The following SNAP91 variants were observed in gnomAD, a reference collection of about 807,000 sequenced individuals.
SNAP91 encodes the protein clathrin coat assembly protein AP180.
A neutral mutation model predicts 100.3 loss-of-function variants in SNAP91; 27 were observed. That is an observed-to-expected ratio of 0.27 (90% CI 0.20 to 0.37). The LOEUF is 0.37. Ranked by LOEUF, SNAP91 falls within the 10% of genes least tolerant of loss-of-function variation. The probability of loss-of-function intolerance (pLI) is 1.00; values close to 1 mark genes in which losing one functional copy is unlikely to be tolerated. For synonymous variants in SNAP91, 404 were observed against 398.6 expected (o/e 1.01, Z -0.16); for missense variants, 986 against 1,123.7 (o/e 0.88, Z 1.75).
At chr6:83,593,838 T>G in intron 17 of SNAP91, 97 bp from the exon 18 acceptor site, 6 of 1,475,642 alleles carry the variant, frequency 4.1e-6, no homozygotes, top group Non-Finnish European at 4.5e-6. Flanking sequence ...ATACAGATAT[T>G]TACACACTAG....
At chr6:83,601,526 A>T (rs2128243826) in intron 15 of SNAP91, 59 bp downstream of exon 15, 1 of 1,610,854 alleles carries the variant, frequency 6.2e-7, no homozygotes, top group South Asian at 1.1e-5. Flanking sequence ...CAAAATAAGG[A>T]CAGTTGTTAC....
Position 83,647,034 on chromosome 6 carries a change from A to AT in SNAP91, c.659-5833dup, listed in dbSNP as rs557610943. 2.3e-4 allele frequency among the ~76,000 whole-genome samples: 34 copies of AT among 147,378 alleles called. 1 individual carries two copies. The East Asian group carries it at 6.5e-3, about 28-fold the overall frequency. On this transcript the variant is annotated intron_variant, in intron 7 of 29. Transcript: ENST00000369694. ...AGCCACTGACTTTTGTACATTAACC[A>AT]TTTTTTCTTGCAACCTTGCTATAAT... is the stretch of plus-strand genomic sequence containing the variant.
intron 26 of SNAP91, 51 bp downstream of exon 26, chr6:83,574,959 T>C (rs1224725302): frequency 3.2e-6 from 4 of 1,254,344 alleles, no homozygotes; most frequent in African/African-American, 3.0e-5. Context: ...CTTTACACAC[T>C]TGGAAACTGG....
intron 26 of SNAP91, among the ~76,000 whole-genome samples, chr6:83,564,447 C>T (rs1384268092): frequency 2.6e-5 from 4 of 151,512 alleles, no homozygotes; most frequent in Non-Finnish European, 4.4e-5. Context: ...AAGTGATTCT[C>T]TACTTCCCTG....
chr6:83,678,679 T>G (rs1354047875), intron 2 of SNAP91: 1 of 1,065,612 alleles, frequency 9.4e-7, no homozygotes, highest in Non-Finnish European at 1.3e-6. Flanking sequence ...CAGCACTGGA[T>G]CTAACCTTCT....
chr6:83,673,284 T>C (rs748271728), intron 2 of SNAP91, among the ~76,000 whole-genome samples: 1 of 152,166 alleles, frequency 6.6e-6, no homozygotes, highest in Non-Finnish European at 1.5e-5. Context: ...GAGATGATTA[T>C]GTCATGAGAG....
intron 28 of SNAP91, among the ~76,000 whole-genome samples, chr6:83,557,253 T>A (rs522863): frequency 0.84 from 127,078 of 152,040 alleles, 53,538 homozygotes; most frequent in East Asian, 0.95. Flanking sequence ...TGGGGCAGTG[T>A]TGTATATTTT....
intron 8 of SNAP91, among the ~76,000 whole-genome samples, chr6:83,626,198 A>G (rs1031234571): frequency 1.3e-4 from 19 of 151,956 alleles, no homozygotes; most frequent in African/African-American, 4.3e-4. Context: ...TGGGTTCTCT[A>G]TTCTGTTCCA....
rs941357290 is a variant in SNAP91 at position 83,562,847 on chromosome 6, C to T, written c.2443-1900G>A. Among the ~76,000 whole-genome samples, 95 of 152,218 alleles carry T rather than the reference C, an allele frequency of 6.2e-4. 1 individual carries two copies. Among genetic ancestry groups the T allele is most frequent in the Non-Finnish European group, 8.2e-4 (56 of 68,040 alleles). ...CCCTCACTCTCACTCTCTTTTGCTC[C>T]TACCCACTGGTTGAACACATGTGTC... On this transcript the variant is annotated intron_variant, in intron 26 of 29. Coordinates refer to ENST00000369694, the MANE Select transcript of SNAP91 (RefSeq NM_001242792.2).
At chr6:83,654,022 G>A (rs754098370) in intron 7 of SNAP91, among the ~76,000 whole-genome samples, 10 of 152,198 alleles carry the variant, frequency 6.6e-5, no homozygotes, top group Admixed American at 1.3e-4. Flanking sequence ...TCTCCTCCCC[G>A]TCCTGGAAGC....
At chr6:83,592,237 G>A (rs952827000) in intron 21 of SNAP91, among the ~76,000 whole-genome samples, 3 of 152,096 alleles carry the variant, frequency 2.0e-5, no homozygotes, top group African/African-American at 7.2e-5. Flanking sequence ...AAAATTATGT[G>A]TTTTGTTAGG....
At position 83,582,295 on chromosome 6, in the gene SNAP91, C is replaced by T; in HGVS notation, c.2076G>A (p.Leu692=). The change falls in exon 23 of 30, where the codon CTG becomes CTA. Residue 692 remains leucine, a synonymous_variant. Transcript: ENST00000369694. ...AAGCTGCCTCAAAATTGGGCTGTAG[C>T]AGGTTATTCTGAGCTGGAGTCACTG... ...PSPVTPAQNN[L]LQPNFEAAFG... is the part of the protein sequence containing the mutation. The T allele has an allele frequency of 6.2e-7, 1 of 1,613,524 alleles. No individual in the cohort carries two copies. Among genetic ancestry groups the T allele is most frequent in the Non-Finnish European group, 8.5e-7 (1 of 1,179,732 alleles).
chr6:83,592,541 G>T lies in SNAP91; in HGVS notation c.1847-3C>A, dbSNP rs560752250. On this transcript the variant is annotated splice_region_variant and splice_polypyrimidine_tract_variant and intron_variant, in intron 20 of 29. Coordinates refer to ENST00000369694, the MANE Select transcript of SNAP91 (RefSeq NM_001242792.2). Reference sequence around the variant, plus strand: ...AGATGGTGCTGCAAATGCATCCACTGCAGTGAAGCACAGACAGGAAAAAGT... The same window carrying T: ...AGATGGTGCTGCAAATGCATCCACTTCAGTGAAGCACAGACAGGAAAAAGT... 3.7e-6 allele frequency: 6 copies of T among 1,603,516 alleles called. No homozygotes were observed.
chr6:83,643,458 A>G (rs1044029887), intron 7 of SNAP91, among the ~76,000 whole-genome samples: 2 of 152,140 alleles, frequency 1.3e-5, no homozygotes, highest in Non-Finnish European at 2.9e-5. Flanking sequence ...TCCTTTTCCC[A>G]TTTCTTGTTT....
In SNAP91 at chr6:83,709,042, A is replaced by ACCCG. The variant is rs2099418552; in HGVS notation, c.-232_-229dup. 6.6e-6 allele frequency: 1 copy of ACCCG among 151,954 alleles called. No individual in the cohort carries two copies. The highest frequency in any genetic ancestry group is 2.4e-5 in the African/African-American group (1 of 40,834). The allele number at this position is 151,954 out of a possible 1,614,324, so 9.4% of individuals were successfully genotyped here. ...CTGGCCCCTGGCCCCAGAAGCCAGT[A>ACCCG]CCCGCCCGCCGCCGCCTCTTCTGCC... On this transcript the variant is annotated 5_prime_UTR_variant, in exon 1 of 30. Transcript: ENST00000369694.
chr6:83,674,930 G>T (rs1294420729), intron 2 of SNAP91, among the ~76,000 whole-genome samples: 2 of 152,162 alleles, frequency 1.3e-5, no homozygotes, highest in African/African-American at 4.8e-5. Flanking sequence ...AAGAAGGGAG[G>T]CTAAGGAGAG....
At chr6:83,683,568 C>CTT (rs2099021119) in intron 2 of SNAP91, among the ~76,000 whole-genome samples, 1 of 152,176 alleles carries the variant, frequency 6.6e-6, no homozygotes, top group African/African-American at 2.4e-5. Context: ...TTCCAGAGGT[C>CTT]CCGACCAGAA....
chr6:83,650,727 T>C (rs547548441), intron 7 of SNAP91, among the ~76,000 whole-genome samples: 1 of 152,282 alleles, frequency 6.6e-6, no homozygotes, highest in East Asian at 1.9e-4. Flanking sequence ...CACTTTCCTT[T>C]TCTTGTAATG....
At chr6:83,614,908 A>G (rs2096389666) in intron 10 of SNAP91, 46 bp from the exon 11 acceptor site, 1 of 1,512,624 alleles carries the variant, frequency 6.6e-7, no homozygotes, top group South Asian at 1.2e-5. Flanking sequence ...GAGAATAGTT[A>G]ACTATTATAG....
Sources: allele counts gnomAD v4.1 joint callset (sites outside exome capture counted in the v4.1 genomes callset), GRCh38; gene constraint gnomAD v4.1.1; transcripts MANE v1.5; gene names NCBI Gene and HGNC (gene_info 2026-07-23, HGNC 2026-07-21).